Variants in TCF12 observed in about 807,000 individuals in gnomAD.
TCF12 encodes the protein DNA-binding protein HTF4.
A neutral mutation model predicts 86.0 loss-of-function variants in TCF12; 45 were observed. The ratio of observed to expected loss-of-function variants is 0.52; its 90% CI spans 0.41 to 0.67. The LOEUF (loss-of-function observed/expected upper bound fraction) is 0.67, where lower values mean the gene tolerates loss of function less well. Ranked by LOEUF, TCF12 falls within the 30% of genes least tolerant of loss-of-function variation. The pLI, the probability that TCF12 is intolerant of heterozygous loss-of-function variation, is 0.00. For synonymous variants in TCF12, 330 were observed against 299.6 expected, an observed-to-expected ratio of 1.10 and a Z score of -1.05; for missense variants, 881 against 859.9, an observed-to-expected ratio of 1.02 and a Z score of -0.31.
intron 5 of TCF12, among the ~76,000 whole-genome samples, chr15:57,117,839 A>G (rs1004355203): frequency 2.6e-5 from 4 of 152,226 alleles, no homozygotes; most frequent in African/African-American, 4.8e-5. Context: ...TTTATAGACT[A>G]TAAACATGGA....
At chr15:56,990,462 T>G (rs1230538066) in intron 3 of TCF12, among the ~76,000 whole-genome samples, 3 of 152,102 alleles carry the variant, frequency 2.0e-5, no homozygotes, top group African/African-American at 7.2e-5. Flanking sequence ...CAAAGAAAGC[T>G]CCATCATAAG....
At chr15:57,201,166 A>G (rs574458157) in intron 8 of TCF12, among the ~76,000 whole-genome samples, 88 of 152,320 alleles carry the variant, frequency 5.8e-4, no homozygotes, top group African/African-American at 2.0e-3. Context: ...GGACTTTTGT[A>G]GCAGCAACAG....
chr15:56,920,714 TG>T (rs1269105528), intron 2 of TCF12, among the ~76,000 whole-genome samples: 4 of 152,190 alleles, frequency 2.6e-5, no homozygotes, highest in Non-Finnish European at 5.9e-5. Context: ...TGAGATATAA[TG>T]TAAATGTAAT....
chr15:57,054,865 A>G (rs2067888571), intron 3 of TCF12, among the ~76,000 whole-genome samples: 1 of 127,830 alleles, frequency 7.8e-6, no homozygotes, highest in Admixed American at 1.0e-4. Flanking sequence ...TAGAGTTAAT[A>G]TTGTGCCACT....
At chr15:57,128,611 G>A (rs987922727) in intron 5 of TCF12, among the ~76,000 whole-genome samples, 18 of 152,104 alleles carry the variant, frequency 1.2e-4, no homozygotes, top group Middle Eastern at 3.2e-3. Context: ...TATATTTAGA[G>A]TTGTGCAACC....
At chr15:57,221,332 G>A (rs1345275206) in intron 8 of TCF12, among the ~76,000 whole-genome samples, 1 of 151,680 alleles carries the variant, frequency 6.6e-6, no homozygotes, top group African/African-American at 2.4e-5. Context: ...TTTCTTTTGT[G>A]TCTGATTTTA....
chr15:57,184,231 T>G (rs1597141927), intron 6 of TCF12, among the ~76,000 whole-genome samples: 1 of 152,174 alleles, frequency 6.6e-6, no homozygotes, highest in Non-Finnish European at 1.5e-5. Flanking sequence ...CACTGAACGC[T>G]TAACACTGTT....
chr15:57,155,874 C>T (rs565015412), intron 5 of TCF12, among the ~76,000 whole-genome samples: 2 of 152,212 alleles, frequency 1.3e-5, no homozygotes, highest in South Asian at 2.1e-4. Flanking sequence ...CCATGTGTTT[C>T]AACAAAATGA....
chr15:57,221,903 T>C (rs2058616286), intron 8 of TCF12, among the ~76,000 whole-genome samples: 1 of 152,068 alleles, frequency 6.6e-6, no homozygotes, highest in African/African-American at 2.4e-5. Flanking sequence ...TATTTTAGTG[T>C]ATATTGGGAA....
rs62023021 is a variant in TCF12, at chr15:57,096,418, A to C, written c.325+4527A>C. Among the ~76,000 whole-genome samples the C allele has an allele frequency of 4.9e-3, 750 of 152,174 alleles. 5 individuals are homozygous for C. Among genetic ancestry groups the C allele is most frequent in the Non-Finnish European group, 7.7e-3 (524 of 67,976 alleles). ...TTAAAGGAAAAAAAAAAGATCATGA[A>C]AGTTCTCTGAAAAGTAAAATAGCAT... is the stretch of plus-strand genomic sequence containing the variant. On this transcript the variant is annotated intron_variant, in intron 5 of 20. Transcript: ENST00000333725.
At chr15:57,012,746 A>G (rs1314207874) in intron 3 of TCF12, among the ~76,000 whole-genome samples, 3 of 152,184 alleles carry the variant, frequency 2.0e-5, no homozygotes, top group African/African-American at 7.2e-5. Context: ...GGAAAGGAGC[A>G]TAATCTTGGG....
intron 6 of TCF12, among the ~76,000 whole-genome samples, chr15:57,166,987 A>G (rs1311685094): frequency 1.3e-5 from 2 of 152,030 alleles, no homozygotes; most frequent in East Asian, 1.9e-4. Context: ...CTTTTTCCTC[A>G]TATCTTTAGA....
At chr15:57,213,168 C>A (rs2058186810) in intron 8 of TCF12, among the ~76,000 whole-genome samples, 1 of 152,188 alleles carries the variant, frequency 6.6e-6, no homozygotes. Flanking sequence ...GTATGACTGA[C>A]ACCATTTCCC....
chr15:56,955,445 T>TA (rs1446141595), intron 3 of TCF12, among the ~76,000 whole-genome samples: 6 of 152,070 alleles, frequency 3.9e-5, no homozygotes, highest in Admixed American at 3.9e-4. Context: ...GAGAAATACC[T>TA]AATGTAAATG....
chr15:57,053,515 T>C (rs2067780243), intron 3 of TCF12, among the ~76,000 whole-genome samples: 1 of 152,234 alleles, frequency 6.6e-6, no homozygotes, highest in Non-Finnish European at 1.5e-5. Flanking sequence ...GTTTTTATTT[T>C]GTCACATCCA....
intron 12 of TCF12, among the ~76,000 whole-genome samples, chr15:57,240,327 A>C (rs745903604): frequency 3.3e-5 from 5 of 152,204 alleles, no homozygotes; most frequent in Non-Finnish European, 7.3e-5. Flanking sequence ...AGATGATTAG[A>C]AATACAGTGT....
chr15:57,119,024 T>TATAG (rs2051035007), intron 5 of TCF12, among the ~76,000 whole-genome samples: 1 of 152,238 alleles, frequency 6.6e-6, no homozygotes, highest in Non-Finnish European at 1.5e-5. Context: ...TATCATGTAC[T>TATAG]GTGATAGGTT....
chr15:57,197,785 C>CA lies in TCF12; in HGVS notation c.546dup (p.Val183SerfsTer21), dbSNP rs1352708150. 1 of 1,613,578 alleles carries CA rather than the reference C, an allele frequency of 6.2e-7. No individual in the cohort carries two copies. Among genetic ancestry groups the CA allele is most frequent in the Non-Finnish European group, 8.5e-7 (1 of 1,179,806 alleles). On this transcript the variant is annotated frameshift_variant, in exon 8 of 21. Coordinates refer to ENST00000333725, the MANE Select transcript of TCF12 (RefSeq NM_207037.2). LOFTEE classifies it high-confidence loss of function. ...TTTCCATCTGCAGATCCCTTGCAAG[C>CA]AAAAAAAGTCAGAAAGGTGCCTCCT...
At chr15:57,128,346 G>T (rs1397596516) in intron 5 of TCF12, among the ~76,000 whole-genome samples, 1 of 152,130 alleles carries the variant, frequency 6.6e-6, no homozygotes, top group Non-Finnish European at 1.5e-5. Context: ...GAAAAAGGAG[G>T]TCCCATTTCG....
Sources: allele counts gnomAD v4.1 joint callset (sites outside exome capture counted in the v4.1 genomes callset), GRCh38; gene constraint gnomAD v4.1.1; transcripts MANE v1.5; gene names NCBI Gene and HGNC (gene_info 2026-07-23, HGNC 2026-07-21).